AGBL3: variants seen among roughly 807,000 people sequenced by gnomAD.
AGBL3 encodes the protein cytosolic carboxypeptidase 3.
Under a neutral mutation model 94.5 loss-of-function variants are expected in AGBL3, and 68 were observed. The ratio of observed to expected loss-of-function variants is 0.72; its 90% CI spans 0.59 to 0.88. AGBL3 has a LOEUF of 0.88. Among genes scored for constraint, AGBL3 ranks in the 40% least tolerant of loss-of-function variants. The pLI, the probability that AGBL3 is intolerant of heterozygous loss-of-function variation, is 0.00. For synonymous variants in AGBL3, 354 were observed against 370.7 expected (o/e 0.95, Z 0.52); for missense variants, 934 against 1,103.8 (o/e 0.85, Z 2.18).
chr7:134,996,063 T>C (rs542273109), intron 4 of AGBL3, among the ~76,000 whole-genome samples: 177 of 152,308 alleles, frequency 1.2e-3, no homozygotes, highest in Admixed American at 3.1e-3. Context: ...TTTACAAATT[T>C]GGATATTTGA....
chr7:134,990,529 G>A (rs7797198), intron 3 of AGBL3, among the ~76,000 whole-genome samples: 2,610 of 152,186 alleles, frequency 0.017, 66 homozygotes, highest in African/African-American at 0.059. Context: ...TCAGTTTGGG[G>A]CTGTAACAAA....
rs1817291667 is a variant in AGBL3 at position 135,045,706 on chromosome 7, G to A, written c.1729-93G>A. 3 of 1,312,132 alleles carry A rather than the reference G, an allele frequency of 2.3e-6. No homozygotes were observed. In the Admixed American group the frequency reaches 6.5e-5, roughly 28 times the overall value. 81.3% of individuals were successfully genotyped at this position (1,312,132 alleles called of 1,614,324 possible). The stretch of plus-strand genomic sequence containing the variant: ...TGGGGTTTTAGCACTTAATTTCCCA[G>A]TAACAATTGTTCCAGGTGTCTATAA... On this transcript the variant is annotated intron_variant, in intron 10 of 16. Coordinates refer to ENST00000436302, the MANE Select transcript of AGBL3 (RefSeq NM_178563.4).
chr7:135,107,656 A>G (rs1238453872), intron 15 of AGBL3, among the ~76,000 whole-genome samples: 5 of 152,164 alleles, frequency 3.3e-5, no homozygotes, highest in Admixed American at 1.3e-4. Flanking sequence ...ATTTTAGAGT[A>G]TGTACCATAT....
intron 11 of AGBL3, among the ~76,000 whole-genome samples, chr7:135,046,336 A>G (rs1817353780): frequency 6.6e-6 from 1 of 152,126 alleles, no homozygotes. Context: ...TTTATCATCC[A>G]AAGTCCATTG....
chr7:135,057,028 AACAG>A (rs1191223367), intron 11 of AGBL3, among the ~76,000 whole-genome samples: 6 of 152,306 alleles, frequency 3.9e-5, no homozygotes, highest in Non-Finnish European at 7.4e-5. Context: ...CTAGAGAAAG[AACAG>A]ACAAATAGAC....
chr7:134,990,193 A>T (rs1171371055), intron 3 of AGBL3, among the ~76,000 whole-genome samples: 1 of 152,184 alleles, frequency 6.6e-6, no homozygotes, highest in African/African-American at 2.4e-5. Context: ...TTAGAACATT[A>T]CCAAAAGCAA....
In AGBL3 at chr7:135,045,809, G is replaced by A; in HGVS notation, c.1739G>A (p.Cys580Tyr). Residue 580 changes from cysteine to tyrosine, a missense_variant, in exon 11 of 17, where the codon TGC becomes TAC. Transcript: ENST00000436302. Reference protein sequence around the residue: ...CDPDRTKYYRCLKELEEMERH... With the variant: ...CDPDRTKYYRYLKELEEMERH... Reference sequence around the variant, plus strand: ...ATTACTTTTGCCTAGTATTATCGGTGCCTGAAAGAATTAGAAGAAATGGAA... The same window carrying A: ...ATTACTTTTGCCTAGTATTATCGGTACCTGAAAGAATTAGAAGAAATGGAA... The A allele has an allele frequency of 6.5e-7, 1 of 1,548,418 alleles. No individual in the cohort carries two copies. The highest frequency in any genetic ancestry group is 8.7e-7 in the Non-Finnish European group (1 of 1,145,082).
chr7:135,056,648 C>A (rs563572041), intron 11 of AGBL3, among the ~76,000 whole-genome samples: 2 of 151,590 alleles, frequency 1.3e-5, no homozygotes, highest in South Asian at 4.2e-4. Context: ...TATGCTAGCA[C>A]AAAAATTTAA....
At chr7:135,093,795 C>G (rs958422515) in intron 15 of AGBL3, 3 of 152,098 alleles carry the variant, frequency 2.0e-5, no homozygotes, top group Non-Finnish European at 2.9e-5. Flanking sequence ...CCAGAATAAC[C>G]AAAGCAATTT....
chr7:135,049,186 GAT>G (rs1339695244), intron 11 of AGBL3, among the ~76,000 whole-genome samples: 3 of 151,858 alleles, frequency 2.0e-5, no homozygotes, highest in African/African-American at 7.2e-5. Flanking sequence ...GAGGATCATG[GAT>G]TTTTATCCTT....
chr7:135,115,648 A>C (rs1826214767), intron 16 of AGBL3, 37 bp downstream of exon 16: 1 of 1,426,280 alleles, frequency 7.0e-7, no homozygotes, highest in Non-Finnish European at 9.4e-7. Context: ...TATCTATTTA[A>C]CACATCTTTT....
chr7:135,009,381 GAACA>G (rs908572932), intron 4 of AGBL3, among the ~76,000 whole-genome samples: 8 of 152,258 alleles, frequency 5.3e-5, no homozygotes, highest in South Asian at 2.1e-4. Context: ...AGACACAAAA[GAACA>G]AATAATATGA....
chr7:135,040,927 A>G (rs1816796851), intron 8 of AGBL3, among the ~76,000 whole-genome samples: 2 of 152,042 alleles, frequency 1.3e-5, no homozygotes, highest in Admixed American at 1.3e-4. Context: ...AGGGAATTTA[A>G]GCAAGGTCGT....
At chr7:135,096,624 GGGCT>G (rs1822858444) in intron 15 of AGBL3, among the ~76,000 whole-genome samples, 1 of 148,046 alleles carries the variant, frequency 6.8e-6, no homozygotes. Context: ...TAGATAGATA[GGGCT>G]ATTCTTTTAA....
At chr7:135,063,407 C>T (rs1441774330) in intron 12 of AGBL3, among the ~76,000 whole-genome samples, 10 of 151,800 alleles carry the variant, frequency 6.6e-5, no homozygotes, top group African/African-American at 2.2e-4. Context: ...TCTTCTTTTC[C>T]TAGTTCCTTG....
intron 8 of AGBL3, among the ~76,000 whole-genome samples, chr7:135,039,043 A>G (rs192806635): frequency 3.7e-4 from 57 of 152,334 alleles, no homozygotes; most frequent in Admixed American, 8.5e-4. Context: ...GAACTGGTAG[A>G]TAGACAGTAG....
intron 5 of AGBL3, among the ~76,000 whole-genome samples, chr7:135,028,441 G>A (rs556440217): frequency 3.9e-5 from 6 of 152,250 alleles, no homozygotes; most frequent in African/African-American, 1.4e-4. Context: ...TAAATTTCAT[G>A]TTAAGAAACC....
At chr7:135,060,940 T>C (rs73153751) in intron 12 of AGBL3, among the ~76,000 whole-genome samples, 18,045 of 152,130 alleles carry the variant, frequency 0.12, 1,189 homozygotes, top group East Asian at 0.19. Context: ...GTTTAGATGA[T>C]AGTTCTATTT....
Position 135,044,133 on chromosome 7 carries a change from T to C in AGBL3, c.1609T>C (p.Phe537Leu). 1 of 1,550,284 alleles carries C rather than the reference T, an allele frequency of 6.5e-7. No homozygotes were observed. Among genetic ancestry groups the C allele is most frequent in the African/African-American group, 1.4e-5 (1 of 73,110 alleles). The change falls in exon 9 of 17, where the codon TTC (phenylalanine) becomes CTC (leucine). Residue 537 changes from phenylalanine to leucine, a missense_variant. This residue lies in a region of AGBL3 where 441 missense variants were observed against 518.2 expected (regional missense o/e 0.85). Coordinates refer to ENST00000436302, the MANE Select transcript of AGBL3 (RefSeq NM_178563.4). ...IRNSFTMEATFCGSTLGNKRG... is the reference protein window; with the variant it reads ...IRNSFTMEATLCGSTLGNKRG... ...GAACAGCTTTACCATGGAGGCCACC[T>C]TCTGTGGATCTACTCTGGGTAAGAC...
Sources: allele counts gnomAD v4.1 joint callset (sites outside exome capture counted in the v4.1 genomes callset), GRCh38; gene constraint gnomAD v4.1.1; regional missense constraint gnomAD v4.1.1; transcripts MANE v1.5; gene names NCBI Gene and HGNC (gene_info 2026-07-23, HGNC 2026-07-21).